The following MAN2B1 variants were observed in gnomAD, a reference collection of about 807,000 sequenced individuals.
The protein encoded by MAN2B1 is lysosomal alpha-mannosidase.
A neutral mutation model predicts 127.5 loss-of-function variants in MAN2B1; 99 were observed. The ratio of observed to expected loss-of-function variants is 0.78; its 90% CI spans 0.66 to 0.92. The LOEUF is 0.92. Ranked by LOEUF, MAN2B1 falls within the 40% of genes least tolerant of loss-of-function variation. MAN2B1 has a pLI of 0.00. For missense variants in MAN2B1, 1,304 were observed against 1,384.8 expected (o/e 0.94, Z 0.93); for synonymous variants, 573 against 568.8 (o/e 1.01, Z -0.11).
chr19:12,653,137 G>GT (rs1457687018), intron 14 of MAN2B1, among the ~76,000 whole-genome samples: 14 of 126,870 alleles, frequency 1.1e-4, no homozygotes, highest in Admixed American at 1.7e-4. Flanking sequence ...CCTGGCCTGG[G>GT]TTTTTTGTTT....
chr19:12,658,153 G>A lies in MAN2B1; in HGVS notation c.1231-12C>T, dbSNP rs1242265259. 1.2e-6 allele frequency: 2 copies of A among 1,613,552 alleles called. No individual in the cohort carries two copies. Among genetic ancestry groups the A allele is most frequent in the East Asian group, 2.2e-5 (1 of 44,854 alleles). On this transcript the variant is annotated splice_polypyrimidine_tract_variant and intron_variant, in intron 9 of 23. Transcript: ENST00000456935. ...AGCTGGTTGCACACCTGGAGGCAGAGGGGTATGTTGGGGCGCCCAGCCTGT... is the reference window on the plus strand; with the variant it reads ...AGCTGGTTGCACACCTGGAGGCAGAAGGGTATGTTGGGGCGCCCAGCCTGT...
At chr19:12,652,051 G>C in intron 16 of MAN2B1, 102 bp downstream of exon 16, 1 of 901,942 alleles carries the variant, frequency 1.1e-6, no homozygotes, top group Middle Eastern at 3.1e-4. Flanking sequence ...TGAAGGAAAA[G>C]TAAATCCTCC....
chr19:12,665,755 G>A lies in MAN2B1; in HGVS notation c.210C>T (p.His70=), dbSNP rs895029505. 6.2e-7 allele frequency: 1 copy of A among 1,614,182 alleles called. No individual in the cohort carries two copies. Residue 70 remains histidine, a synonymous_variant, in exon 2 of 24, where the codon CAC becomes CAT. Transcript: ENST00000456935. ...PNMLNVHLLP[H]THDDVGWLKT... ...TGAGCCAGCCCACGTCATCATGTGT[G>A]TGAGGCAGCAGGTGCACGTTCAGCA...
rs753665587 is a variant in MAN2B1 at position 12,664,831 on chromosome 19, G to A, written c.591C>T (p.Pro197=). The A allele has an allele frequency of 2.5e-6, 4 of 1,613,748 alleles. No individual in the cohort carries two copies. Among genetic ancestry groups the A allele is most frequent in the Non-Finnish European group, 2.5e-6 (3 of 1,179,938 alleles). ...GRPRVAWHID[P]FGHSREQASL... ...AGGCCTGCTCCCGAGAGTGGCCGAA[G>A]GGGTCAATGTGCCAGGCCACACGGG... The change falls in exon 4 of 24, where the codon CCC becomes CCT. Residue 197 remains proline, a synonymous_variant. Transcript: ENST00000456935.
At chr19:12,665,044 G>T in intron 3 of MAN2B1, 59 bp from the exon 4 acceptor site, 1 of 1,457,872 alleles carries the variant, frequency 6.9e-7, no homozygotes, top group Non-Finnish European at 9.6e-7. Flanking sequence ...GGAGTAGGGT[G>T]GGTGATACTG....
At chr19:12,652,802 G>C (rs1305014913) in intron 14 of MAN2B1, among the ~76,000 whole-genome samples, 1 of 151,514 alleles carries the variant, frequency 6.6e-6, no homozygotes, top group Non-Finnish European at 1.5e-5. Context: ...AAAGTACTAG[G>C]ATTACAGACA....
rs377049583 is a variant in MAN2B1 at position 12,663,378 on chromosome 19, C to T, written c.848G>A (p.Arg283His). 23 of 1,614,018 alleles carry T rather than the reference C, an allele frequency of 1.4e-5. 1 individual carries two copies. The highest frequency in any genetic ancestry group is 1.1e-4 in the South Asian group (10 of 91,078). Residue 283 changes from arginine (R) to histidine (H), a missense_variant, in exon 6 of 24, where the codon CGC becomes CAC. Arg to His is a conservative substitution (Grantham distance 29, BLOSUM62 0). Coordinates refer to ENST00000456935, the MANE Select transcript of MAN2B1 (RefSeq NM_000528.4). Reference protein sequence around the residue: ...CVDQPLVEDPRSPEYNAKELV... With the variant: ...CVDQPLVEDPHSPEYNAKELV... Reference sequence around the variant, plus strand: ...CTCCTTGGCGTTGTACTCGGGGCTGCGAGGGTCCTCCACCAGCGGCTGATC... The same window carrying T: ...CTCCTTGGCGTTGTACTCGGGGCTGTGAGGGTCCTCCACCAGCGGCTGATC...
intron 14 of MAN2B1, among the ~76,000 whole-genome samples, chr19:12,654,155 G>A (rs137982532): frequency 0.017 from 2,518 of 149,904 alleles, 91 homozygotes; most frequent in East Asian, 0.14. Context: ...CCATTCTCCT[G>A]CCTCAGCCTC....
At chr19:12,646,783 ACT>A (rs1317591030) in intron 23 of MAN2B1, 51 bp from the exon 24 acceptor site, 1 of 1,283,678 alleles carries the variant, frequency 7.8e-7, no homozygotes, top group Non-Finnish European at 1.1e-6. Context: ...ACTTCCTCTG[ACT>A]CACCCCACGA....
rs774350579 is a variant in MAN2B1, at chr19:12,650,022, C to T, written c.2166-8G>A. On this transcript the variant is annotated splice_polypyrimidine_tract_variant and splice_region_variant and intron_variant, in intron 17 of 23. Coordinates refer to ENST00000456935, the MANE Select transcript of MAN2B1 (RefSeq NM_000528.4). ...TCCTTCCCCCAGGTGTCGCTGTACCCAATGGGATGGCAAGGTTGTGAGCCT... is the reference window on the plus strand; with the variant it reads ...TCCTTCCCCCAGGTGTCGCTGTACCTAATGGGATGGCAAGGTTGTGAGCCT... 1.7e-5 allele frequency: 27 copies of T among 1,613,446 alleles called. No individual in the cohort carries two copies. The South Asian group carries it at 3.0e-4, about 18-fold the overall frequency.
At position 12,656,594 on chromosome 19, in the gene MAN2B1, T is replaced by G. The variant is rs2023965001; in HGVS notation, c.1621A>C (p.Asn541His). The G allele has an allele frequency of 1.2e-6, 2 of 1,613,774 alleles. No individual in the cohort carries two copies. Among genetic ancestry groups the G allele is most frequent in the Non-Finnish European group, 1.7e-6 (2 of 1,179,790 alleles). The change falls in exon 13 of 24, where the codon AAT becomes CAT. Residue 541 changes from asparagine (N) to histidine (H), a missense_variant. Asn to His is a moderately conservative substitution (Grantham distance 68). Transcript: ENST00000456935. Reference protein sequence around the residue: ...SEGVFVVKDPNGRTVPSDVVI... With the variant: ...SEGVFVVKDPHGRTVPSDVVI... ...ACATCGCTGGGCACTGTCCTGCCAT[T>G]GGGGTCCTTCACAACGAAAACGCCT...
Position 12,657,954 on chromosome 19 carries a change from CAAAAAAAAAAAAAAA to C in MAN2B1, c.1309+94_1309+108del, listed in dbSNP as rs35296973. 52 of 485,778 alleles carry C rather than the reference CAAAAAAAAAAAAAAA, an allele frequency of 1.1e-4. No homozygotes were observed. The African/African-American group carries it at 1.6e-3, about 15-fold the overall frequency. 30.1% of individuals were successfully genotyped at this position (485,778 alleles called of 1,614,324 possible). On this transcript the variant is annotated intron_variant, in intron 10 of 23. Coordinates refer to ENST00000456935, the MANE Select transcript of MAN2B1 (RefSeq NM_000528.4). ...TGGGAGACAAATCGAGACTCCGTCT[CAAAAAAAAAAAAAAA>C]AAAAAAAAAAAAGAAGAAACTCGAG...
chr19:12,655,549 G>T, intron 14 of MAN2B1, 145 bp downstream of exon 14: 1 of 793,288 alleles, frequency 1.3e-6, no homozygotes. Flanking sequence ...TCAGACAAAG[G>T]TCACTTGCTC....
At chr19:12,649,788 C>T in intron 18 of MAN2B1, 125 bp downstream of exon 18, 1 of 855,648 alleles carries the variant, frequency 1.2e-6, no homozygotes, top group Non-Finnish European at 1.9e-6. Flanking sequence ...TGCCTGGCTC[C>T]CCCGCCCTTC....
rs754932497 is a variant in MAN2B1 at position 12,663,714 on chromosome 19, T to C, written c.752A>G (p.Asp251Gly). Residue 251 changes from aspartate to glycine, a missense_variant, in exon 5 of 24, where the codon GAC (aspartate) becomes GGC (glycine). Coordinates refer to ENST00000456935, the MANE Select transcript of MAN2B1 (RefSeq NM_000528.4). ...ACCAAGCCCCCTACCAGTGAAGAGGTCCGCGGTCGGGGGCTTCAGGCTGGT... is the reference window on the plus strand; with the variant it reads ...ACCAAGCCCCCTACCAGTGAAGAGGCCCGCGGTCGGGGGCTTCAGGCTGGT... ...ASTSLKPPTA[D>G]LFTGVLPNGY... 2 of 1,610,908 alleles carry C rather than the reference T, an allele frequency of 1.2e-6. No individual in the cohort carries two copies. The highest frequency in any genetic ancestry group is 1.7e-6 in the Non-Finnish European group (2 of 1,178,930).
At chr19:12,656,894 A>G (rs948623384) in intron 12 of MAN2B1, 55 bp downstream of exon 12, 36 of 1,407,512 alleles carry the variant, frequency 2.6e-5, no homozygotes, top group East Asian at 6.9e-5. Context: ...ACATTTTCCA[A>G]CTACCCCCTC....
intron 14 of MAN2B1, among the ~76,000 whole-genome samples, chr19:12,652,723 G>A (rs1180497076): frequency 2.6e-5 from 4 of 151,766 alleles, no homozygotes; most frequent in Non-Finnish European, 5.9e-5. Context: ...GTAGAGACAG[G>A]GTTTCACCAT....
intron 7 of MAN2B1, among the ~76,000 whole-genome samples, chr19:12,660,392 C>T (rs1482098144): frequency 6.6e-6 from 1 of 152,158 alleles, no homozygotes; most frequent in Non-Finnish European, 1.5e-5. Context: ...GTCCCAGCTA[C>T]TTGGGAGGCT....
chr19:12,664,832 G>T lies in MAN2B1; in HGVS notation c.590C>A (p.Pro197His). ...GRPRVAWHID[P>H]FGHSREQASL... ...GGCCTGCTCCCGAGAGTGGCCGAAGGGGTCAATGTGCCAGGCCACACGGGG... is the reference window on the plus strand; with the variant it reads ...GGCCTGCTCCCGAGAGTGGCCGAAGTGGTCAATGTGCCAGGCCACACGGGG... Residue 197 changes from proline (P) to histidine (H), a missense_variant, in exon 4 of 24, where the codon CCC becomes CAC. By Grantham distance (77) the Pro-to-His change is moderately conservative. Coordinates refer to ENST00000456935, the MANE Select transcript of MAN2B1 (RefSeq NM_000528.4). 1 of 1,613,882 alleles carries T rather than the reference G, an allele frequency of 6.2e-7. No homozygotes were observed. Among genetic ancestry groups the T allele is most frequent in the Non-Finnish European group, 8.5e-7 (1 of 1,179,954 alleles).
Sources: allele counts gnomAD v4.1 joint callset (sites outside exome capture counted in the v4.1 genomes callset), GRCh38; gene constraint gnomAD v4.1.1; transcripts MANE v1.5; gene names NCBI Gene and HGNC (gene_info 2026-07-23, HGNC 2026-07-21).